ABLIM1: variants seen among roughly 807,000 people sequenced by gnomAD.
The protein encoded by ABLIM1 is actin binding LIM protein 1, also known as actin-binding LIM protein 1.
Under a neutral mutation model 107.0 loss-of-function variants are expected in ABLIM1, and 40 were observed. That is an observed-to-expected ratio of 0.37 (90% CI 0.29 to 0.49). The LOEUF (loss-of-function observed/expected upper bound fraction) is 0.49, where lower values mean the gene tolerates loss of function less well. Among genes scored for constraint, ABLIM1 ranks in the 20% least tolerant of loss-of-function variants. The probability of loss-of-function intolerance (pLI) is 0.97; values close to 1 mark genes in which losing one functional copy is unlikely to be tolerated. For synonymous variants in ABLIM1, 357 were observed against 357.3 expected (o/e 1.00, Z 0.01); for missense variants, 857 against 1,008.5 (o/e 0.85, Z 2.04).
At chr10:114,475,043 C>T (rs1351148387) in intron 8 of ABLIM1, among the ~76,000 whole-genome samples, 2 of 152,114 alleles carry the variant, frequency 1.3e-5, no homozygotes, top group Non-Finnish European at 2.9e-5. Context: ...TATAAATTAC[C>T]CAGTCTTGGG....
In ABLIM1 at chr10:114,485,459, C is replaced by T. The variant is rs547163201; in HGVS notation, c.1041+2499G>A. ...AGAAGAATTATTTTAAAAAATAAAA[C>T]AAAACAACAACCACCTTAGGTAAAA... is the stretch of plus-strand genomic sequence containing the variant. On this transcript the variant is annotated intron_variant, in intron 8 of 22. Transcript: ENST00000533213. 4 of 1,303,620 alleles carry T rather than the reference C, an allele frequency of 3.1e-6. No individual in the cohort carries two copies. In the East Asian group the frequency reaches 1.1e-4, roughly 35 times the overall value. The allele number at this position is 1,303,620 out of a possible 1,614,324, so 80.8% of individuals were successfully genotyped here.
At chr10:114,613,564 G>C (rs1031249969) in intron 1 of ABLIM1, 1 of 730,870 alleles carries the variant, frequency 1.4e-6, no homozygotes, top group East Asian at 6.6e-5. Context: ...TTTCATTCAA[G>C]TGCTTATAAA....
chr10:114,657,265 A>G (rs2079567357), intron 1 of ABLIM1, among the ~76,000 whole-genome samples: 2 of 152,154 alleles, frequency 1.3e-5, no homozygotes, highest in South Asian at 2.1e-4. Flanking sequence ...TCCTGTACCA[A>G]TTCTAGGTCT....
At chr10:114,449,469 G>C (rs1045518323) in intron 14 of ABLIM1, among the ~76,000 whole-genome samples, 5 of 152,130 alleles carry the variant, frequency 3.3e-5, no homozygotes, top group African/African-American at 1.2e-4. Flanking sequence ...CTTCCTTGGA[G>C]ATAGGGTCTT....
At chr10:114,442,297 C>G (rs2060305581) in intron 17 of ABLIM1, among the ~76,000 whole-genome samples, 1 of 152,158 alleles carries the variant, frequency 6.6e-6, no homozygotes, top group Admixed American at 6.5e-5. Context: ...CAAGATCTAC[C>G]AGCCATCTAC....
chr10:114,785,013 G>A, the ABLIM1 span, among the ~76,000 whole-genome samples: 1 of 152,152 alleles, frequency 6.6e-6, no homozygotes, highest in African/African-American at 2.4e-5. Context: ...TACTTGCAGA[G>A]TAAGTACCAG....
chr10:114,576,536 T>G (rs902435596), intron 2 of ABLIM1, among the ~76,000 whole-genome samples: 2 of 152,100 alleles, frequency 1.3e-5, no homozygotes, highest in East Asian at 3.9e-4. Context: ...GGGGACAAGG[T>G]GAGTTCAATC....
At chr10:114,452,076 G>A (rs994475428) in intron 13 of ABLIM1, among the ~76,000 whole-genome samples, 1 of 152,062 alleles carries the variant, frequency 6.6e-6, no homozygotes, top group African/African-American at 2.4e-5. Context: ...AGATACCAGT[G>A]GCTCAATTTA....
the ABLIM1 span, among the ~76,000 whole-genome samples, chr10:114,795,238 T>C: frequency 3.3e-5 from 5 of 152,188 alleles, no homozygotes; most frequent in Non-Finnish European, 5.9e-5. Flanking sequence ...TTTCTGGCAG[T>C]CTGCCCTTCT....
chr10:114,542,736 A>G (rs11196782), intron 6 of ABLIM1, among the ~76,000 whole-genome samples: 62,069 of 152,034 alleles, frequency 0.41, 13,890 homozygotes, highest in Non-Finnish European at 0.51. Flanking sequence ...TCAGGCCCCA[A>G]TCAGGGCACT....
chr10:114,544,591 T>C (rs1281892985), intron 6 of ABLIM1, among the ~76,000 whole-genome samples: 1 of 152,126 alleles, frequency 6.6e-6, no homozygotes, highest in Non-Finnish European at 1.5e-5. Context: ...CTTTCTTAGC[T>C]TCCATTCTGA....
chr10:114,704,302 C>CTCTCTATATATATATATATA (rs1380460034), intron 1 of ABLIM1, among the ~76,000 whole-genome samples: 6 of 43,088 alleles, frequency 1.4e-4, no homozygotes, highest in South Asian at 1.3e-3. Context: ...CTCTCTCTCT[C>CTCTCTATATATATATATATA]TATATATATA....
At chr10:114,766,615 A>C (rs536630377) in intron 1 of ABLIM1, among the ~76,000 whole-genome samples, 1 of 152,264 alleles carries the variant, frequency 6.6e-6, no homozygotes, top group African/African-American at 2.4e-5. Context: ...CTTGGCCCCT[A>C]CAGTGTGCAA....
the ABLIM1 span, among the ~76,000 whole-genome samples, chr10:114,797,158 T>C: frequency 6.6e-6 from 1 of 152,178 alleles, no homozygotes; most frequent in African/African-American, 2.4e-5. Flanking sequence ...TGTTGGAACC[T>C]CCAAAAAATT....
At chr10:114,703,489 A>G (rs2081347061) in intron 1 of ABLIM1, among the ~76,000 whole-genome samples, 1 of 152,204 alleles carries the variant, frequency 6.6e-6, no homozygotes, top group Non-Finnish European at 1.5e-5. Context: ...TTTACAGATG[A>G]GAAACCAGAG....
upstream of ABLIM1, among the ~76,000 whole-genome samples, chr10:114,685,273 A>T (rs1277246940): frequency 6.6e-6 from 1 of 152,224 alleles, no homozygotes; most frequent in Non-Finnish European, 1.5e-5. Context: ...AGATACACAC[A>T]TTGGCTAAGA....
intron 1 of ABLIM1, among the ~76,000 whole-genome samples, chr10:114,645,867 C>T (rs577994298): frequency 6.6e-6 from 1 of 152,318 alleles, no homozygotes; most frequent in Admixed American, 6.5e-5. Flanking sequence ...AAGGATGTGA[C>T]TTATGACATT....
chr10:114,595,584 A>G (rs2075338157), intron 2 of ABLIM1, among the ~76,000 whole-genome samples: 1 of 152,236 alleles, frequency 6.6e-6, no homozygotes, highest in African/African-American at 2.4e-5. Context: ...GTGAATACTG[A>G]AGATAGAATA....
intron 7 of ABLIM1, among the ~76,000 whole-genome samples, chr10:114,489,851 A>G (rs1332792776): frequency 6.6e-6 from 1 of 152,180 alleles, no homozygotes; most frequent in African/African-American, 2.4e-5. Flanking sequence ...CGGAAGCACA[A>G]CTCCAGAAGG....
Sources: allele counts gnomAD v4.1 joint callset (sites outside exome capture counted in the v4.1 genomes callset), GRCh38; gene constraint gnomAD v4.1.1; transcripts MANE v1.5; gene names NCBI Gene and HGNC (gene_info 2026-07-23, HGNC 2026-07-21).